The following ASTN2 variants were observed in gnomAD, a reference collection of about 807,000 sequenced individuals.
ASTN2 encodes the protein astrotactin 2.
In ASTN2, 54 loss-of-function variants were observed where a neutral mutation model predicts 139.8. The ratio of observed to expected loss-of-function variants is 0.39; its 90% confidence interval spans 0.31 to 0.48. ASTN2 has a LOEUF of 0.48. ASTN2 is among the 20% of genes least tolerant of loss of function. The pLI is 0.95. For synonymous variants in ASTN2, 756 were observed against 719.5 expected (o/e 1.05, Z -0.81); for missense variants, 1,565 against 1,725.1 (o/e 0.91, Z 1.64).
At chr9:117,259,533 G>A (rs1833772595) in intron 2 of ASTN2, among the ~76,000 whole-genome samples, 1 of 152,112 alleles carries the variant, frequency 6.6e-6, no homozygotes, top group Admixed American at 6.5e-5. Flanking sequence ...TTTCTCTGAA[G>A]CCTGCTACCT....
chr9:116,781,604 G>T (rs764245623), intron 13 of ASTN2, among the ~76,000 whole-genome samples: 3 of 152,142 alleles, frequency 2.0e-5, no homozygotes, highest in Non-Finnish European at 4.4e-5. Flanking sequence ...GGTTTAATTA[G>T]AACTGTTATT....
At chr9:117,332,444 G>A (rs1052622556) in intron 1 of ASTN2, among the ~76,000 whole-genome samples, 3 of 152,094 alleles carry the variant, frequency 2.0e-5, no homozygotes, top group African/African-American at 4.8e-5. Flanking sequence ...GGTGGCACAC[G>A]TGTAGTCCGA....
At chr9:117,118,233 C>T (rs568488093) in intron 4 of ASTN2, among the ~76,000 whole-genome samples, 30 of 152,278 alleles carry the variant, frequency 2.0e-4, no homozygotes, top group African/African-American at 7.2e-4. Flanking sequence ...GATGAGAGGA[C>T]ATCACATGGT....
Position 116,632,070 on chromosome 9 carries a change from T to A in ASTN2, c.3073-11627A>T, listed in dbSNP as rs568208295. Among the ~76,000 whole-genome samples the A allele has an allele frequency of 6.7e-5, 10 of 149,136 alleles. No homozygotes were observed. In the East Asian group the frequency reaches 2.0e-3, roughly 30 times the overall value. On this transcript the variant is annotated intron_variant, in intron 17 of 22. Coordinates refer to ENST00000313400, the MANE Select transcript of ASTN2 (RefSeq NM_001365068.1). ...TGGAGGTTGCAGTGAGCTGAGATTG[T>A]GCCACTGCCCTCCACACTGGTGATA...
At chr9:116,599,743 T>G (rs527372195) in intron 19 of ASTN2, among the ~76,000 whole-genome samples, 4 of 152,224 alleles carry the variant, frequency 2.6e-5, no homozygotes, top group African/African-American at 7.2e-5. Flanking sequence ...ATGAAGTAAT[T>G]AACCTATATT....
At chr9:116,535,490 G>C (rs1167489822) in intron 19 of ASTN2, among the ~76,000 whole-genome samples, 1 of 151,408 alleles carries the variant, frequency 6.6e-6, no homozygotes, top group Non-Finnish European at 1.5e-5. Context: ...GTTTTTGCTG[G>C]TACCGGTTGT....
chr9:116,746,196 C>A (rs148295019), intron 13 of ASTN2, among the ~76,000 whole-genome samples: 2,496 of 151,410 alleles, frequency 0.016, 73 homozygotes, highest in African/African-American at 0.058. Flanking sequence ...AAGCGATTCT[C>A]CTGCCTCACC....
At chr9:116,538,864 A>G (rs1851758887) in intron 19 of ASTN2, among the ~76,000 whole-genome samples, 1 of 152,176 alleles carries the variant, frequency 6.6e-6, no homozygotes, top group South Asian at 2.1e-4. Flanking sequence ...CTCCTTAAGA[A>G]TTAATTTTGG....
intron 13 of ASTN2, among the ~76,000 whole-genome samples, chr9:116,760,781 G>T (rs768344241): frequency 6.6e-6 from 1 of 152,164 alleles, no homozygotes. Context: ...GGCACCACTT[G>T]TGCCACCCTG....
rs941563964 is a variant in ASTN2, at chr9:116,498,730, C to A, written c.3356-11230G>T. Among the ~76,000 whole-genome samples, 4 of 152,150 alleles carry A rather than the reference C, an allele frequency of 2.6e-5. No homozygotes were observed. The South Asian group carries it at 6.2e-4, about 24-fold the overall frequency. ...TAGATGTTGCTAAGGAAAATTCACA[C>A]AGTGCCAGGTAAGGTAATAAAAATG... On this transcript the variant is annotated intron_variant, in intron 19 of 22. Transcript: ENST00000313400.
At chr9:117,076,380 A>C (rs1429281566) in intron 5 of ASTN2, among the ~76,000 whole-genome samples, 4 of 152,034 alleles carry the variant, frequency 2.6e-5, no homozygotes, top group Non-Finnish European at 4.4e-5. Flanking sequence ...TCTGTCGAAT[A>C]AAGGAAGGAA....
At chr9:117,350,964 G>T (rs529496555) in intron 1 of ASTN2, among the ~76,000 whole-genome samples, 1 of 152,174 alleles carries the variant, frequency 6.6e-6, no homozygotes, top group African/African-American at 2.4e-5. Context: ...CCGCCATGTT[G>T]CATGGTGGAT....
intron 19 of ASTN2, among the ~76,000 whole-genome samples, chr9:116,497,415 C>G (rs915945147): frequency 2.0e-5 from 3 of 152,132 alleles, no homozygotes; most frequent in African/African-American, 7.2e-5. Context: ...ACAGCTCTGA[C>G]CCACAGGAAC....
chr9:117,303,532 A>G (rs548491029), intron 1 of ASTN2, among the ~76,000 whole-genome samples: 12 of 152,234 alleles, frequency 7.9e-5, no homozygotes, highest in Non-Finnish European at 1.6e-4. Context: ...ACCAAATGAC[A>G]TTTGATGCAG....
intron 13 of ASTN2, among the ~76,000 whole-genome samples, chr9:116,785,458 C>G (rs1830345781): frequency 6.6e-6 from 1 of 152,154 alleles, no homozygotes; most frequent in African/African-American, 2.4e-5. Context: ...GCTATTGACG[C>G]CGGATGATGA....
intron 19 of ASTN2, among the ~76,000 whole-genome samples, chr9:116,504,032 C>G (rs1044857615): frequency 6.6e-6 from 1 of 152,126 alleles, no homozygotes; most frequent in Admixed American, 6.6e-5. Context: ...CCATGGGGAT[C>G]CTGAGGCATC....
chr9:117,359,567 A>T lies in ASTN2; in HGVS notation c.442+54930T>A, dbSNP rs192022903. On this transcript the variant is annotated intron_variant, in intron 1 of 22. Coordinates refer to ENST00000313400, the MANE Select transcript of ASTN2 (RefSeq NM_001365068.1). The stretch of plus-strand genomic sequence containing the variant: ...GGAAAGTACCATCAAAATAAGATGC[A>T]AAGAATTGTCCTTTGTGCCTTAACT... Among the ~76,000 whole-genome samples, 109 of 152,318 alleles carry T rather than the reference A, an allele frequency of 7.2e-4. 1 individual carries two copies. Among genetic ancestry groups the T allele is most frequent in the African/African-American group, 2.3e-3 (95 of 41,580 alleles).
At position 117,180,718 on chromosome 9, in the gene ASTN2, C is replaced by T. The variant is rs928722542; in HGVS notation, c.1015+33640G>A. On this transcript the variant is annotated intron_variant, in intron 3 of 22. Coordinates refer to ENST00000313400, the MANE Select transcript of ASTN2 (RefSeq NM_001365068.1). Reference sequence around the variant, plus strand: ...TGGAAGCCCTCATGAGTGCAGGGCCCGCCACTTGTCCAGAGGGCCACGACT... The same window carrying T: ...TGGAAGCCCTCATGAGTGCAGGGCCTGCCACTTGTCCAGAGGGCCACGACT... 98 of 1,594,594 alleles carry T rather than the reference C, an allele frequency of 6.1e-5. 1 individual carries two copies. Among genetic ancestry groups the T allele is most frequent in the Middle Eastern group, 1.7e-4 (1 of 6,048 alleles).
intron 5 of ASTN2, among the ~76,000 whole-genome samples, chr9:117,065,267 ACTTT>A (rs1827902607): frequency 6.6e-6 from 1 of 152,178 alleles, no homozygotes; most frequent in Non-Finnish European, 1.5e-5. Context: ...AGAGAGAATA[ACTTT>A]CTGTTATTTT....
Sources: gnomAD v4.1 joint callset for allele counts (sites outside exome capture counted in the v4.1 genomes callset) on GRCh38, gnomAD v4.1.1 for gene constraint, MANE v1.5 for transcripts, NCBI Gene and HGNC (gene_info 2026-07-23, HGNC 2026-07-21) for gene names.